Variants in NFASC observed in about 807,000 individuals in gnomAD.
The protein encoded by NFASC is neurofascin.
NFASC carries 43 observed loss-of-function variants against 147.5 expected under a neutral mutation model. That is an observed-to-expected ratio of 0.29 (90% CI 0.23 to 0.38). The LOEUF (loss-of-function observed/expected upper bound fraction) is 0.38. Ranked by LOEUF, NFASC falls within the 10% of genes least tolerant of loss-of-function variation. The pLI is 1.00. For synonymous variants in NFASC, 622 were observed against 665.5 expected, an observed-to-expected ratio of 0.93 and a Z score of 1.01; for missense variants, 1,320 against 1,689.0, an observed-to-expected ratio of 0.78 and a Z score of 3.83.
intron 8 of NFASC, among the ~76,000 whole-genome samples, chr1:204,965,016 G>A (rs1316019679): frequency 1.3e-5 from 2 of 152,178 alleles, no homozygotes; most frequent in African/African-American, 2.4e-5. Context: ...GACCCACTCT[G>A]AGCCACAGCT....
chr1:204,945,272 G>A (rs1293381567), intron 3 of NFASC, among the ~76,000 whole-genome samples: 1 of 152,226 alleles, frequency 6.6e-6, no homozygotes, highest in Non-Finnish European at 1.5e-5. Context: ...TAGGATGTGA[G>A]CATGCCATCT....
chr1:204,910,709 T>A (rs527445767), intron 1 of NFASC, among the ~76,000 whole-genome samples: 1 of 152,034 alleles, frequency 6.6e-6, no homozygotes, highest in Non-Finnish European at 1.5e-5. Context: ...TGCTATGTTA[T>A]CCAGGCTGGT....
intron 1 of NFASC, among the ~76,000 whole-genome samples, chr1:204,847,355 C>T (rs1056076076): frequency 2.0e-5 from 3 of 152,176 alleles, no homozygotes; most frequent in African/African-American, 7.2e-5. Flanking sequence ...CCCTGTTTTC[C>T]AGGCAAGAAA....
intron 1 of NFASC, among the ~76,000 whole-genome samples, chr1:204,840,372 T>C (rs1674967962): frequency 6.6e-6 from 1 of 152,176 alleles, no homozygotes; most frequent in Non-Finnish European, 1.5e-5. Flanking sequence ...GTAAAGGCCT[T>C]CCAGGTAATT....
chr1:204,926,375 T>C (rs1394595462), intron 2 of NFASC, among the ~76,000 whole-genome samples: 8 of 120,020 alleles, frequency 6.7e-5, no homozygotes, highest in African/African-American at 2.3e-4. Context: ...TAATTCTTTT[T>C]TCATGTATAT....
In NFASC at chr1:204,979,619, A is replaced by C; in HGVS notation, c.2176+60A>C. The C allele has an allele frequency of 6.8e-7, 1 of 1,469,886 alleles. No individual in the cohort carries two copies. Among genetic ancestry groups the C allele is most frequent in the Non-Finnish European group, 9.5e-7 (1 of 1,050,626 alleles). The allele number at this position is 1,469,886 out of a possible 1,614,324, so 91.1% of individuals were successfully genotyped here. On this transcript the variant is annotated intron_variant, in intron 19 of 29. Coordinates refer to ENST00000339876, the MANE Select transcript of NFASC (RefSeq NM_001005388.3). The surrounding 1 kb of genome is among the most constrained non-coding windows in gnomAD (Gnocchi z 6.0). ...AACCCCGCACCCCAAACTCACACTG[A>C]GATCCCCCCATTCCCAGCCATGTGA...
intron 1 of NFASC, among the ~76,000 whole-genome samples, chr1:204,851,661 T>C (rs2102684358): frequency 6.6e-6 from 1 of 152,300 alleles, no homozygotes; most frequent in South Asian, 2.1e-4. Flanking sequence ...CTAGTTAATC[T>C]GGAATAAATT....
intron 8 of NFASC, among the ~76,000 whole-genome samples, chr1:204,966,988 C>T (rs561001439): frequency 6.6e-6 from 1 of 152,238 alleles, no homozygotes; most frequent in South Asian, 2.1e-4. Context: ...TAGGAAGCAC[C>T]AGTTACATCT....
intron 1 of NFASC, among the ~76,000 whole-genome samples, chr1:204,878,691 G>A (rs11240299): frequency 0.11 from 17,490 of 152,226 alleles, 1,789 homozygotes; most frequent in East Asian, 0.48. Context: ...TTCATCCAGC[G>A]GATTCTTCTC....
rs1316710828 is a variant in NFASC at position 204,954,099 on chromosome 1, C to T, written c.216-89C>T. Reference sequence around the variant, plus strand: ...GGGACTGAGAGAGGGAATTTTGGTACTGAGCCAGGGACTAGGGATCTGAGA... The same window carrying T: ...GGGACTGAGAGAGGGAATTTTGGTATTGAGCCAGGGACTAGGGATCTGAGA... On this transcript the variant is annotated intron_variant, in intron 5 of 29. Transcript: ENST00000339876. This position sits in a 1 kb window ranked among gnomAD's most constrained non-coding sequence, Gnocchi z 5.7. 1.6e-6 allele frequency: 2 copies of T among 1,221,740 alleles called. No individual in the cohort carries two copies. The highest frequency in any genetic ancestry group is 3.0e-5 in the African/African-American group (2 of 66,906). The allele number at this position is 1,221,740 out of a possible 1,614,324, so 75.7% of individuals were successfully genotyped here.
chr1:204,954,691 C>T lies in NFASC; in HGVS notation c.413-138C>T. 9.4e-7 allele frequency: 1 copy of T among 1,059,108 alleles called. No individual in the cohort carries two copies. The highest frequency in any genetic ancestry group is 1.4e-6 in the Non-Finnish European group (1 of 719,496). The allele number at this position is 1,059,108 out of a possible 1,614,324, so 65.6% of individuals were successfully genotyped here. ...CGGCCCCTTGAGTAGGCTCACGTGC[C>T]CCGTCCCTCTCTCTTGCTCCCTCCT... On this transcript the variant is annotated intron_variant, in intron 6 of 29. Coordinates refer to ENST00000339876, the MANE Select transcript of NFASC (RefSeq NM_001005388.3). The surrounding 1 kb of genome is among the most constrained non-coding windows in gnomAD (Gnocchi z 5.7).
At chr1:204,944,493 A>T (rs2093581896) in intron 3 of NFASC, 87 bp downstream of exon 3, 1 of 992,054 alleles carries the variant, frequency 1.0e-6, no homozygotes, top group East Asian at 2.8e-5. Context: ...GAAAGTTCAG[A>T]TAATCCAAGG....
intron 27 of NFASC, 108 bp from the exon 28 acceptor site, chr1:205,009,449 C>T (rs1299417375): frequency 3.2e-6 from 4 of 1,230,894 alleles, no homozygotes; most frequent in African/African-American, 1.5e-5. Flanking sequence ...GTGTTAGGCT[C>T]CAGGAGAAAC....
chr1:205,001,473 C>A (rs1246632630), intron 26 of NFASC, among the ~76,000 whole-genome samples, 187 bp downstream of exon 26: 1 of 152,070 alleles, frequency 6.6e-6, no homozygotes, highest in African/African-American at 2.4e-5. Context: ...GGAACAGGCT[C>A]AAGGAAAAGG....
chr1:204,830,006 GGTGTGTGTGTGTGTGTGT>G (rs58294218), intron 1 of NFASC, among the ~76,000 whole-genome samples: 2,225 of 144,096 alleles, frequency 0.015, 32 homozygotes, highest in Non-Finnish European at 0.025. Context: ...TTTGGCATGG[GGTGTGTGTGTGTGTGTGT>G]GTGTGTGTGT....
chr1:204,923,199 C>T (rs902521873), intron 2 of NFASC, among the ~76,000 whole-genome samples: 6 of 152,176 alleles, frequency 3.9e-5, no homozygotes, highest in East Asian at 3.9e-4. Flanking sequence ...GCAAGTGTTC[C>T]CCGGGGCTGC....
intron 1 of NFASC, among the ~76,000 whole-genome samples, chr1:204,865,476 A>G (rs2102912510): frequency 6.6e-6 from 1 of 152,322 alleles, no homozygotes; most frequent in African/African-American, 2.4e-5. Context: ...TTGGGGTATA[A>G]CTTCATTCTT....
chr1:204,965,567 T>C (rs1201685026), intron 8 of NFASC, among the ~76,000 whole-genome samples: 1 of 152,204 alleles, frequency 6.6e-6, no homozygotes, highest in Admixed American at 6.5e-5. Context: ...CCTCCTCAGC[T>C]TCTTTTTCTC....
intron 1 of NFASC, among the ~76,000 whole-genome samples, chr1:204,877,046 TA>T (rs1229541804): frequency 4.8e-5 from 5 of 103,924 alleles, no homozygotes; most frequent in East Asian, 5.8e-4. Context: ...TTTATATATA[TA>T]TAATATATTT....
Sources: gnomAD v4.1 joint callset for allele counts (sites outside exome capture counted in the v4.1 genomes callset) on GRCh38, gnomAD v4.1.1 for gene constraint, Gnocchi (gnomAD v3.1) non-coding constraint, MANE v1.5 for transcripts, NCBI Gene and HGNC (gene_info 2026-07-23, HGNC 2026-07-21) for gene names.